Variants in RMND1 observed in about 807,000 individuals in gnomAD.
RMND1 encodes the protein required for meiotic nuclear division 1 homolog.
A neutral mutation model predicts 54.0 loss-of-function variants in RMND1; 41 were observed. The ratio of observed to expected loss-of-function variants is 0.76; its 90% CI spans 0.59 to 0.98. The LOEUF (loss-of-function observed/expected upper bound fraction) is 0.98. Ranked by LOEUF, RMND1 falls within the 50% of genes least tolerant of loss-of-function variation. RMND1 has a pLI of 0.00. For missense variants in RMND1, 457 were observed against 532.0 expected (o/e 0.86, Z 1.39); for synonymous variants, 183 against 181.7 (o/e 1.01, Z -0.06).
chr6:151,440,004 G>A (rs1489249468), intron 2 of RMND1, among the ~76,000 whole-genome samples: 1 of 151,876 alleles, frequency 6.6e-6, no homozygotes, highest in East Asian at 1.9e-4. Context: ...TCGCCCAGGC[G>A]TGAGGGCAGT....
At chr6:151,451,367 G>A (rs1013392393) in intron 1 of RMND1, among the ~76,000 whole-genome samples, 2 of 152,090 alleles carry the variant, frequency 1.3e-5, no homozygotes, top group African/African-American at 4.8e-5. Flanking sequence ...CCTAGTTGCT[G>A]ACAATACAGC....
chr6:151,444,274 T>G (rs1383061068), intron 2 of RMND1, among the ~76,000 whole-genome samples: 2 of 152,228 alleles, frequency 1.3e-5, no homozygotes, highest in African/African-American at 2.4e-5. Context: ...ACTTAAATAC[T>G]GAATTTCCCA....
At chr6:151,410,133 C>T (rs1001804470) in intron 10 of RMND1, among the ~76,000 whole-genome samples, 1 of 151,468 alleles carries the variant, frequency 6.6e-6, no homozygotes, top group South Asian at 2.1e-4. Context: ...CCGCTCACTG[C>T]AAGCTCTCCC....
At chr6:151,450,594 C>A (rs1304012705) in intron 1 of RMND1, among the ~76,000 whole-genome samples, 3 of 149,682 alleles carry the variant, frequency 2.0e-5, no homozygotes, top group African/African-American at 7.4e-5. Flanking sequence ...GTCAGCCCCC[C>A]GCCCGGCCAG....
intron 10 of RMND1, among the ~76,000 whole-genome samples, chr6:151,415,309 A>G (rs1345995999): frequency 6.6e-6 from 1 of 151,960 alleles, no homozygotes; most frequent in Non-Finnish European, 1.5e-5. Context: ...CCAATCATCC[A>G]TTAGGGAAAT....
At chr6:151,423,069 A>C (rs1164035674) in intron 7 of RMND1, among the ~76,000 whole-genome samples, 1 of 152,226 alleles carries the variant, frequency 6.6e-6, no homozygotes, top group East Asian at 1.9e-4. Flanking sequence ...ATTCTTAAAG[A>C]ACTTGTATAG....
At chr6:151,434,607 C>G (rs1003557443) in intron 3 of RMND1, among the ~76,000 whole-genome samples, 1 of 152,162 alleles carries the variant, frequency 6.6e-6, no homozygotes, top group African/African-American at 2.4e-5. Flanking sequence ...TACCAAGGGG[C>G]TCTAGACATA....
chr6:151,435,439 G>T (rs1780576597), intron 3 of RMND1, among the ~76,000 whole-genome samples: 2 of 151,740 alleles, frequency 1.3e-5, no homozygotes. Context: ...AGCCACCATG[G>T]CTGGCCTAAA....
chr6:151,451,119 TATCTGCTGACC>T (rs1446034580), intron 1 of RMND1, among the ~76,000 whole-genome samples: 5 of 151,460 alleles, frequency 3.3e-5, no homozygotes, highest in African/African-American at 1.2e-4. Context: ...TGCACTTGTT[TATCTGCTGACC>T]TTCCCTCCAC....
At chr6:151,437,264 T>A (rs569807116) in intron 2 of RMND1, among the ~76,000 whole-genome samples, 4 of 152,366 alleles carry the variant, frequency 2.6e-5, no homozygotes, top group South Asian at 2.1e-4. Flanking sequence ...ACAGCTTTTT[T>A]AATAAAACTA....
chr6:151,414,265 T>C (rs1460996574), intron 10 of RMND1, among the ~76,000 whole-genome samples: 1 of 152,088 alleles, frequency 6.6e-6, no homozygotes, highest in African/African-American at 2.4e-5. Flanking sequence ...TTAGTAGAAA[T>C]GAGGTCTCAT....
intron 2 of RMND1, among the ~76,000 whole-genome samples, chr6:151,442,711 T>TC (rs34519973): frequency 2.0e-4 from 29 of 144,004 alleles, no homozygotes; most frequent in South Asian, 6.7e-4. Context: ...TTTTTTTTTT[T>TC]CCAAGTCTTT....
chr6:151,436,894 A>AATG lies in RMND1; in HGVS notation c.505-343_505-341dup, dbSNP rs10699964. 0.52 allele frequency: 90,031 copies of AATG among 174,094 alleles called. 26,221 individuals are homozygous for AATG. The highest frequency in any genetic ancestry group is 0.8 in the African/African-American group (33,864 of 42,344). The allele number at this position is 174,094 out of a possible 1,614,324, so 10.8% of individuals were successfully genotyped here. A position where few individuals can be genotyped will look rare whatever the true frequency, so the allele number is the denominator to read the frequency against. On this transcript the variant is annotated intron_variant, in intron 2 of 11. Transcript: ENST00000444024. ...AGGCATCACATGGGTGACTGGATGG[A>AATG]ATGTTTAAGTCTCTCCAACCCTGAG... is the stretch of plus-strand genomic sequence containing the variant.
chr6:151,427,301 G>T (rs546337582), intron 6 of RMND1, among the ~76,000 whole-genome samples, 181 bp downstream of exon 6: 98 of 151,970 alleles, frequency 6.4e-4, no homozygotes, highest in Middle Eastern at 3.4e-3. Context: ...GCTTGAACCC[G>T]GGAGGCAGAG....
At position 151,449,195 on chromosome 6, in the gene RMND1, C is replaced by T. The variant is rs562914344; in HGVS notation, c.-15+2821G>A. 1.6e-4 allele frequency among the ~76,000 whole-genome samples: 25 copies of T among 151,708 alleles called. No homozygotes were observed. In the South Asian group the frequency reaches 4.6e-3, roughly 28 times the overall value. ...CAGCCTGGCCAACATGGTGAAACCT[C>T]GTCTCTACTAAAAATACAAAAAAAT... On this transcript the variant is annotated intron_variant, in intron 1 of 11. Transcript: ENST00000444024.
At chr6:151,406,590 T>C (rs1387847938) in intron 10 of RMND1, among the ~76,000 whole-genome samples, 4 of 152,120 alleles carry the variant, frequency 2.6e-5, no homozygotes, top group Non-Finnish European at 5.9e-5. Context: ...GACCTTGTGA[T>C]CCGCCCGCCT....
At chr6:151,432,265 GTGC>G (rs1780469928) in intron 4 of RMND1, among the ~76,000 whole-genome samples, 1 of 152,194 alleles carries the variant, frequency 6.6e-6, no homozygotes, top group Non-Finnish European at 1.5e-5. Context: ...CTGCTAGACA[GTGC>G]TGATGTAGAG....
chr6:151,447,093 T>C (rs376266902), intron 1 of RMND1, among the ~76,000 whole-genome samples: 1 of 152,054 alleles, frequency 6.6e-6, no homozygotes, highest in Admixed American at 6.5e-5. Flanking sequence ...AGAGGTGACA[T>C]TTGAACTGAG....
intron 10 of RMND1, among the ~76,000 whole-genome samples, chr6:151,407,709 C>T (rs761692685): frequency 6.6e-6 from 1 of 152,034 alleles, no homozygotes; most frequent in Non-Finnish European, 1.5e-5. Context: ...AGATCAAGAC[C>T]ATCCTGGCTA....
Sources: gnomAD v4.1 joint callset for allele counts (sites outside exome capture counted in the v4.1 genomes callset) on GRCh38, gnomAD v4.1.1 for gene constraint, MANE v1.5 for transcripts, NCBI Gene and HGNC (gene_info 2026-07-23, HGNC 2026-07-21) for gene names.